TMEM38A: variants seen among roughly 807,000 people sequenced by gnomAD.
TMEM38A encodes the protein trimeric intracellular cation channel type A.
A neutral mutation model predicts 28.6 loss-of-function variants in TMEM38A; 17 were observed. The observed-to-expected ratio is 0.60, with a 90% CI of 0.41 to 0.89. The LOEUF is 0.89. TMEM38A is among the 40% of genes least tolerant of loss of function. TMEM38A has a pLI of 0.00. For missense variants in TMEM38A, 328 were observed against 393.1 expected (o/e 0.83, Z 1.40); for synonymous variants, 169 against 166.1 (o/e 1.02, Z -0.14).
intron 1 of TMEM38A, among the ~76,000 whole-genome samples, chr19:16,662,488 C>CT (rs2086686619): frequency 8.7e-6 from 1 of 115,356 alleles, no homozygotes; most frequent in Admixed American, 1.2e-4. Flanking sequence ...GAGTTTCGCT[C>CT]TGTCGCCCAG....
chr19:16,672,416 G>A (rs903780953), intron 1 of TMEM38A, among the ~76,000 whole-genome samples: 1 of 143,510 alleles, frequency 7.0e-6, no homozygotes, highest in Non-Finnish European at 1.5e-5. Context: ...GATAGCTGAT[G>A]AGCTTAAAAA....
chr19:16,666,592 A>T (rs939625684), intron 1 of TMEM38A, among the ~76,000 whole-genome samples: 5 of 151,920 alleles, frequency 3.3e-5, no homozygotes, highest in Non-Finnish European at 7.4e-5. Flanking sequence ...CTTTCTTGAG[A>T]ATCCTGAGAA....
At chr19:16,675,827 G>A (rs1234003196) in intron 1 of TMEM38A, among the ~76,000 whole-genome samples, 2 of 151,918 alleles carry the variant, frequency 1.3e-5, no homozygotes, top group African/African-American at 2.4e-5. Context: ...GATGACAGGC[G>A]TGAGCCACCA....
chr19:16,665,838 T>C (rs2086700708), intron 1 of TMEM38A, among the ~76,000 whole-genome samples: 1 of 151,424 alleles, frequency 6.6e-6, no homozygotes, highest in Non-Finnish European at 1.5e-5. Flanking sequence ...AGATGCAGTC[T>C]TGTTTTGCTG....
intron 4 of TMEM38A, among the ~76,000 whole-genome samples, chr19:16,682,762 C>A (rs1293362784): frequency 3.3e-5 from 5 of 152,056 alleles, no homozygotes; most frequent in Non-Finnish European, 2.9e-5. Context: ...GTTCACTGGC[C>A]AAGAAGGAGC....
At position 16,673,056 on chromosome 19, in the gene TMEM38A, ACTTTT is replaced by A. The variant is rs201019333; in HGVS notation, c.125-6922_125-6918del. On this transcript the variant is annotated intron_variant, in intron 1 of 5. Coordinates refer to ENST00000187762, the MANE Select transcript of TMEM38A (RefSeq NM_024074.4). ...AAAAACCCTGATCAAGGTCTAGTTC[ACTTTT>A]CTTTTTCTTTTTGTTTGTTTGTTTG... Among the ~76,000 whole-genome samples, 852 of 151,596 alleles carry A rather than the reference ACTTTT, an allele frequency of 5.6e-3. 7 individuals carry two copies. The highest frequency in any genetic ancestry group is 0.019 in the African/African-American group (788 of 41,014).
At chr19:16,683,427 A>T (rs537319819) in intron 4 of TMEM38A, among the ~76,000 whole-genome samples, 246 of 143,940 alleles carry the variant, frequency 1.7e-3, no homozygotes, top group Middle Eastern at 7.1e-3. Context: ...ATTCTATATT[A>T]AAAAAAAAAA....
At chr19:16,665,967 C>A (rs2086701400) in intron 1 of TMEM38A, among the ~76,000 whole-genome samples, 2 of 151,772 alleles carry the variant, frequency 1.3e-5, no homozygotes, top group South Asian at 4.2e-4. Flanking sequence ...CACCACCACA[C>A]CCAGCTAATT....
At chr19:16,663,899 C>G (rs2086692913) in intron 1 of TMEM38A, among the ~76,000 whole-genome samples, 1 of 151,924 alleles carries the variant, frequency 6.6e-6, no homozygotes, top group African/African-American at 2.4e-5. Context: ...ATTAATCTCC[C>G]CTCCCTCAGT....
intron 1 of TMEM38A, among the ~76,000 whole-genome samples, chr19:16,668,875 C>T (rs1448298417): frequency 6.7e-6 from 1 of 148,272 alleles, no homozygotes; most frequent in Non-Finnish European, 1.5e-5. Context: ...GTTACCCAGG[C>T]TGGAGTGCAA....
intron 1 of TMEM38A, among the ~76,000 whole-genome samples, chr19:16,670,817 T>C (rs2086724049): frequency 6.6e-6 from 1 of 152,100 alleles, no homozygotes; most frequent in Non-Finnish European, 1.5e-5. Flanking sequence ...CGGGTGCCTG[T>C]AATCCCAGGT....
intron 1 of TMEM38A, among the ~76,000 whole-genome samples, chr19:16,677,800 T>G (rs1231112017): frequency 1.3e-5 from 2 of 152,144 alleles, no homozygotes; most frequent in African/African-American, 4.8e-5. Flanking sequence ...TCAAGTGATC[T>G]ACGTGGCTCA....
In TMEM38A at chr19:16,661,469, G is replaced by C; in HGVS notation, c.124+128G>C. Reference sequence around the variant, plus strand: ...GAGGGACAGGTTCAAGGATTGCATCGTGGGAGTAGGCAGGCGCTAGAATCG... The same window carrying C: ...GAGGGACAGGTTCAAGGATTGCATCCTGGGAGTAGGCAGGCGCTAGAATCG... On this transcript the variant is annotated intron_variant, in intron 1 of 5. Coordinates refer to ENST00000187762, the MANE Select transcript of TMEM38A (RefSeq NM_024074.4). The surrounding 1 kb of genome is among the most constrained non-coding windows in gnomAD (Gnocchi z 6.5). 1.3e-6 allele frequency: 1 copy of C among 771,930 alleles called. No homozygotes were observed. Among genetic ancestry groups the C allele is most frequent in the Non-Finnish European group, 1.9e-6 (1 of 537,010 alleles). 47.8% of individuals were successfully genotyped at this position (771,930 alleles called of 1,614,324 possible). A position where few individuals can be genotyped will look rare whatever the true frequency, so the allele number is the denominator to read the frequency against.
At chr19:16,687,614 G>A (rs1283361811) in intron 5 of TMEM38A, among the ~76,000 whole-genome samples, 2 of 152,132 alleles carry the variant, frequency 1.3e-5, no homozygotes, top group Admixed American at 6.6e-5. Context: ...TCTGGTGAGG[G>A]CCCTCTTTAC....
At chr19:16,671,992 T>G (rs898159779) in intron 1 of TMEM38A, among the ~76,000 whole-genome samples, 2 of 152,186 alleles carry the variant, frequency 1.3e-5, no homozygotes, top group African/African-American at 2.4e-5. Context: ...TCTGAGGGAT[T>G]AACTCTCAGC....
chr19:16,679,502 A>G (rs2086770295), intron 1 of TMEM38A, among the ~76,000 whole-genome samples: 2 of 151,748 alleles, frequency 1.3e-5, no homozygotes. Flanking sequence ...CATGTTAGCC[A>G]GGCTGGTCTT....
chr19:16,683,463 T>G (rs1414326878), intron 4 of TMEM38A, among the ~76,000 whole-genome samples: 10 of 151,820 alleles, frequency 6.6e-5, no homozygotes, highest in Non-Finnish European at 1.5e-4. Context: ...CATGGTGGGA[T>G]GCACTTGTGG....
intron 1 of TMEM38A, among the ~76,000 whole-genome samples, chr19:16,665,131 C>T (rs1052713359): frequency 5.9e-5 from 9 of 152,044 alleles, no homozygotes; most frequent in African/African-American, 1.9e-4. Flanking sequence ...CCTGTCTCTA[C>T]TAAAAATACA....
intron 1 of TMEM38A, among the ~76,000 whole-genome samples, chr19:16,671,291 C>T (rs556235671): frequency 1.0e-4 from 15 of 148,770 alleles, no homozygotes; most frequent in South Asian, 4.2e-4. Context: ...CTGCAATTTC[C>T]GCCTCCTGGG....
Sources: gnomAD v4.1 joint callset for allele counts (sites outside exome capture counted in the v4.1 genomes callset) on GRCh38, gnomAD v4.1.1 for gene constraint, Gnocchi (gnomAD v3.1) non-coding constraint, MANE v1.5 for transcripts, NCBI Gene and HGNC (gene_info 2026-07-23, HGNC 2026-07-21) for gene names.